The following COL4A1 variants were observed in gnomAD, a reference collection of about 807,000 sequenced individuals.
COL4A1 encodes collagen alpha-1(IV) chain.
A neutral mutation model predicts 216.6 loss-of-function variants in COL4A1; 40 were observed. That is an observed-to-expected ratio of 0.18 (90% CI 0.14 to 0.24). The LOEUF (loss-of-function observed/expected upper bound fraction) is 0.24. COL4A1 is among the 10% of genes least tolerant of loss of function. The probability of loss-of-function intolerance (pLI) is 1.00; values close to 1 mark genes in which losing one functional copy is unlikely to be tolerated. For synonymous variants in COL4A1, 839 were observed against 810.7 expected (o/e 1.03, Z -0.59); for missense variants, 1,628 against 2,196.8 (o/e 0.74, Z 5.18).
chr13:110,222,363 A>G (rs889444617), intron 2 of COL4A1, among the ~76,000 whole-genome samples: 3 of 152,158 alleles, frequency 2.0e-5, no homozygotes, highest in African/African-American at 7.2e-5. Context: ...AACGGCCTCA[A>G]TCAGGGCTTG....
At chr13:110,242,050 A>T (rs78284887) in intron 2 of COL4A1, among the ~76,000 whole-genome samples, 1,934 of 152,262 alleles carry the variant, frequency 0.013, 56 homozygotes, top group African/African-American at 0.044. Flanking sequence ...TTTTCTGGAT[A>T]AAAAAACAGC....
Position 110,201,473 on chromosome 13 carries a change from C to T in COL4A1, c.1049G>A (p.Gly350Glu). 1 of 1,614,030 alleles carries T rather than the reference C, an allele frequency of 6.2e-7. No individual in the cohort carries two copies. Among genetic ancestry groups the T allele is most frequent in the Non-Finnish European group, 8.5e-7 (1 of 1,180,024 alleles). The stretch of plus-strand genomic sequence containing the variant: ...TGGCTCTCCTCTTGGCCCCGGAGTT[C>T]CAGGGTAGCCCCTCTCTCCTTTTTC... ...LGEKGERGYP[G>E]TPGPRGEPGP... The change falls in exon 19 of 52, where the codon GGA becomes GAA. Residue 350 changes from glycine (G) to glutamate (E), a missense_variant. Physicochemically the swap from Gly to Glu is moderately conservative, Grantham distance 98. Coordinates refer to ENST00000375820, the MANE Select transcript of COL4A1 (RefSeq NM_001845.6).
At chr13:110,225,384 G>C (rs2139223959) in intron 2 of COL4A1, among the ~76,000 whole-genome samples, 1 of 152,346 alleles carries the variant, frequency 6.6e-6, no homozygotes, top group East Asian at 1.9e-4. Context: ...AGGCGTTCAA[G>C]ACCAGCCTGG....
chr13:110,248,948 T>G (rs1295009788), intron 1 of COL4A1, among the ~76,000 whole-genome samples: 1 of 152,154 alleles, frequency 6.6e-6, no homozygotes, highest in Non-Finnish European at 1.5e-5. Context: ...TTCTAGCTTC[T>G]GTCCTGTTTG....
chr13:110,162,019 C>T, intron 48 of COL4A1: 1 of 634,744 alleles, frequency 1.6e-6, no homozygotes, highest in South Asian at 1.9e-5. Flanking sequence ...CTTGGCTTGC[C>T]ATTAGTAATA....
chr13:110,222,271 C>T (rs2139219889), intron 2 of COL4A1, among the ~76,000 whole-genome samples: 1 of 152,294 alleles, frequency 6.6e-6, no homozygotes, highest in Middle Eastern at 3.4e-3. Flanking sequence ...TGAAGAAGTA[C>T]TCAGACACTG....
At chr13:110,305,113 C>G (rs186216313) in intron 1 of COL4A1, among the ~76,000 whole-genome samples, 79 of 152,304 alleles carry the variant, frequency 5.2e-4, no homozygotes, top group African/African-American at 1.8e-3. Context: ...ACATCATCTG[C>G]ACATTAAGCA....
At chr13:110,201,347 AGG>A in intron 19 of COL4A1, 89 bp downstream of exon 19, 2 of 710,374 alleles carry the variant, frequency 2.8e-6, no homozygotes, top group Non-Finnish European at 4.4e-6. Flanking sequence ...GAGGAACAGG[AGG>A]AGGAGGAGGA....
At chr13:110,295,156 G>A (rs1884222067) in intron 1 of COL4A1, among the ~76,000 whole-genome samples, 1 of 151,998 alleles carries the variant, frequency 6.6e-6, no homozygotes, top group South Asian at 2.1e-4. Flanking sequence ...AGTTGTATGT[G>A]AAGATCCCAC....
chr13:110,216,352 C>T (rs1042700294), intron 2 of COL4A1, among the ~76,000 whole-genome samples: 3 of 152,188 alleles, frequency 2.0e-5, no homozygotes, highest in Non-Finnish European at 4.4e-5. Context: ...CAATCTGGGG[C>T]ACCCAGTTTT....
At chr13:110,179,731 C>G (rs1292427806) in intron 29 of COL4A1, among the ~76,000 whole-genome samples, 7 of 152,232 alleles carry the variant, frequency 4.6e-5, no homozygotes, top group Middle Eastern at 6.8e-3. Context: ...AACTCTGCAG[C>G]CTGGTGCCTG....
intron 1 of COL4A1, among the ~76,000 whole-genome samples, chr13:110,292,648 G>A (rs1037962848): frequency 5.9e-5 from 9 of 152,184 alleles, no homozygotes; most frequent in Non-Finnish European, 1.3e-4. Context: ...GAGCGAAGGA[G>A]AAAGCACAAT....
chr13:110,251,525 G>A (rs1187295486), intron 1 of COL4A1, among the ~76,000 whole-genome samples: 1 of 152,254 alleles, frequency 6.6e-6, no homozygotes, highest in Non-Finnish European at 1.5e-5. Context: ...ACAGAGCTGA[G>A]TGTGTGAGCA....
chr13:110,155,253 G>A (rs367677379), intron 50 of COL4A1, 30 bp downstream of exon 50: 21 of 1,553,648 alleles, frequency 1.4e-5, no homozygotes, highest in African/African-American at 1.1e-4. Flanking sequence ...GGCTCTTCCC[G>A]GGAAATATGG....
intron 26 of COL4A1, among the ~76,000 whole-genome samples, chr13:110,185,267 T>G (rs1878348884): frequency 6.6e-6 from 1 of 152,106 alleles, no homozygotes; most frequent in African/African-American, 2.4e-5. Flanking sequence ...TGCCTCAGCC[T>G]CCAGAGTAGC....
chr13:110,160,866 G>A (rs576137203), intron 49 of COL4A1, among the ~76,000 whole-genome samples: 5 of 152,024 alleles, frequency 3.3e-5, no homozygotes, highest in East Asian at 3.9e-4. Context: ...ACACCACCAC[G>A]CCCAGCTAAC....
At position 110,179,313 on chromosome 13, in the gene COL4A1, C is replaced by T; in HGVS notation, c.2302G>A (p.Glu768Lys). 1 of 1,614,170 alleles carries T rather than the reference C, an allele frequency of 6.2e-7. No homozygotes were observed. The highest frequency in any genetic ancestry group is 8.5e-7 in the Non-Finnish European group (1 of 1,180,030). ...CCAGGGGGTCCGATCGCTCCATGTT[C>T]TCCAGGAACGCCTGGTACCCCAATG... is the stretch of plus-strand genomic sequence containing the variant. ...GSIGVPGVPG[E>K]HGAIGPPGLQ... Residue 768 changes from glutamate to lysine, a missense_variant, in exon 30 of 52, where the codon GAA becomes AAA. By Grantham distance (56) the Glu-to-Lys change is moderately conservative. Coordinates refer to ENST00000375820, the MANE Select transcript of COL4A1 (RefSeq NM_001845.6).
intron 1 of COL4A1, among the ~76,000 whole-genome samples, chr13:110,276,850 C>T (rs140924380): frequency 3.9e-5 from 6 of 152,190 alleles, no homozygotes; most frequent in Non-Finnish European, 5.9e-5. Flanking sequence ...ACTGGTGACC[C>T]GCAGGCCAGA....
chr13:110,267,587 A>G (rs760296332), intron 1 of COL4A1, among the ~76,000 whole-genome samples: 5 of 152,168 alleles, frequency 3.3e-5, no homozygotes, highest in Admixed American at 6.5e-5. Context: ...CAAGCACCCA[A>G]AACAGGGGCT....
Sources: allele counts gnomAD v4.1 joint callset (sites outside exome capture counted in the v4.1 genomes callset), GRCh38; gene constraint gnomAD v4.1.1; transcripts MANE v1.5; gene names NCBI Gene and HGNC (gene_info 2026-07-23, HGNC 2026-07-21).